Variants in PPP4R4 observed in about 807,000 individuals in gnomAD.
PPP4R4 encodes the protein serine/threonine-protein phosphatase 4 regulatory subunit 4.
PPP4R4 carries 70 observed loss-of-function variants against 121.8 expected under a neutral mutation model. That is an observed-to-expected ratio of 0.57 (90% CI 0.47 to 0.70). PPP4R4 has a LOEUF of 0.70. PPP4R4 is among the 30% of genes least tolerant of loss of function. PPP4R4 has a pLI of 0.00. For missense variants in PPP4R4, 875 were observed against 1,033.6 expected, an observed-to-expected ratio of 0.85 and a Z score of 2.10; for synonymous variants, 348 against 355.7, an observed-to-expected ratio of 0.98 and a Z score of 0.24.
At chr14:94,254,479 A>T (rs1235506614) in intron 16 of PPP4R4, among the ~76,000 whole-genome samples, 1 of 152,156 alleles carries the variant, frequency 6.6e-6, no homozygotes, top group Admixed American at 6.6e-5. Context: ...TGTGAATGAG[A>T]TTGAGACCAT....
chr14:94,256,781 C>T (rs574200625), intron 17 of PPP4R4, among the ~76,000 whole-genome samples, 177 bp downstream of exon 17: 108 of 152,208 alleles, frequency 7.1e-4, no homozygotes, highest in African/African-American at 2.5e-3. Flanking sequence ...ATGAAACTTT[C>T]GAAGGGCACC....
At position 94,250,278 on chromosome 14, in the gene PPP4R4, G is replaced by A. The variant is rs776928136; in HGVS notation, c.1717+1G>A. 3 of 1,576,020 alleles carry A rather than the reference G, an allele frequency of 1.9e-6. No homozygotes were observed. Among genetic ancestry groups the A allele is most frequent in the Non-Finnish European group, 2.6e-6 (3 of 1,146,788 alleles). Reference sequence around the variant, plus strand: ...GAGGTCATTCAAAAATTAATTGAACGTAAGTAATCATTGTCTACTATTTTG... The same window carrying A: ...GAGGTCATTCAAAAATTAATTGAACATAAGTAATCATTGTCTACTATTTTG... On this transcript the variant is annotated splice_donor_variant, in intron 15 of 24. Transcript: ENST00000304338. LOFTEE classifies it high-confidence loss of function.
intron 15 of PPP4R4, 116 bp from the exon 16 acceptor site, chr14:94,251,633 T>C: frequency 1.3e-6 from 1 of 772,278 alleles, no homozygotes; most frequent in Non-Finnish European, 2.0e-6. Context: ...GTCTTGTATT[T>C]GCTAGCCAAA....
At chr14:94,242,846 T>A (rs1321623404) in intron 11 of PPP4R4, among the ~76,000 whole-genome samples, 1 of 152,206 alleles carries the variant, frequency 6.6e-6, no homozygotes, top group African/African-American at 2.4e-5. Context: ...TTTTAGATTC[T>A]GCTATTATGA....
chr14:94,223,827 C>T (rs566379352), intron 3 of PPP4R4, among the ~76,000 whole-genome samples: 14 of 152,144 alleles, frequency 9.2e-5, no homozygotes, highest in Admixed American at 9.2e-4. Flanking sequence ...TTAACCCCAA[C>T]ATTTCTATTT....
chr14:94,251,554 T>A (rs532799229), intron 15 of PPP4R4, among the ~76,000 whole-genome samples, 195 bp from the exon 16 acceptor site: 1 of 152,114 alleles, frequency 6.6e-6, no homozygotes, highest in East Asian at 1.9e-4. Flanking sequence ...AACTGTTTTA[T>A]GGTTTTTGAG....
chr14:94,229,259 C>G (rs748811874), intron 3 of PPP4R4, among the ~76,000 whole-genome samples: 3 of 152,084 alleles, frequency 2.0e-5, no homozygotes, highest in Non-Finnish European at 4.4e-5. Context: ...AGGGTGGCAA[C>G]AGGAGAGGTG....
intron 2 of PPP4R4, among the ~76,000 whole-genome samples, chr14:94,187,555 A>G (rs2139394508): frequency 6.6e-6 from 1 of 152,290 alleles, no homozygotes; most frequent in Non-Finnish European, 1.5e-5. Flanking sequence ...ACATCTTTCA[A>G]AAATTCAGAA....
Position 94,278,092 on chromosome 14 carries a change from A to G in PPP4R4, c.2598-527A>G, listed in dbSNP as rs116223211. Among the ~76,000 whole-genome samples the G allele has an allele frequency of 7.0e-3, 1,060 of 152,306 alleles. 16 individuals are homozygous for G. Among genetic ancestry groups the G allele is most frequent in the African/African-American group, 0.025 (1,022 of 41,576 alleles). On this transcript the variant is annotated intron_variant, in intron 24 of 24. Transcript: ENST00000304338. ...AAACAGGCCATATCCAAGTGAAAATATGTTCTTTTCATTTAAAATAAGCCT... is the reference window on the plus strand; with the variant it reads ...AAACAGGCCATATCCAAGTGAAAATGTGTTCTTTTCATTTAAAATAAGCCT...
At chr14:94,275,254 T>C (rs1483273802) in intron 23 of PPP4R4, 120 bp from the exon 24 acceptor site, 2 of 1,127,456 alleles carry the variant, frequency 1.8e-6, no homozygotes, top group Admixed American at 4.0e-5. Flanking sequence ...ATGTAAATTA[T>C]ACCCTCATAA....
chr14:94,209,410 C>A (rs1890626158), intron 3 of PPP4R4, among the ~76,000 whole-genome samples: 1 of 151,710 alleles, frequency 6.6e-6, no homozygotes, highest in Admixed American at 6.6e-5. Context: ...TTATTGAGTC[C>A]TTGAGTTTTA....
At chr14:94,222,091 C>G (rs1226750520) in intron 3 of PPP4R4, among the ~76,000 whole-genome samples, 1 of 151,920 alleles carries the variant, frequency 6.6e-6, no homozygotes, top group African/African-American at 2.4e-5. Context: ...TTGTAAACAA[C>G]ATGATTGGGT....
In PPP4R4 at chr14:94,256,613, C is replaced by T; in HGVS notation, c.2010+9C>T. 6.3e-7 allele frequency: 1 copy of T among 1,583,562 alleles called. No homozygotes were observed. The highest frequency in any genetic ancestry group is 2.3e-5 in the East Asian group (1 of 44,276). The stretch of plus-strand genomic sequence containing the variant: ...TGGCTATTGTAAAAAGAGTAAGTAT[C>T]ACTCTTGCCACAATGTTGCATTTTT... On this transcript the variant is annotated intron_variant, in intron 17 of 24. Coordinates refer to ENST00000304338, the MANE Select transcript of PPP4R4 (RefSeq NM_058237.2).
intron 5 of PPP4R4, among the ~76,000 whole-genome samples, chr14:94,232,784 C>T (rs1042053185): frequency 1.3e-5 from 2 of 151,938 alleles, no homozygotes; most frequent in African/African-American, 4.8e-5. Context: ...ATGGGCTGGG[C>T]GCGGTGGCTC....
At chr14:94,258,742 A>G in intron 17 of PPP4R4, 41 bp from the exon 18 acceptor site, 1 of 1,412,140 alleles carries the variant, frequency 7.1e-7, no homozygotes, top group Non-Finnish European at 9.9e-7. Context: ...GGTTGTTTTA[A>G]TTTAATTACT....
chr14:94,271,922 C>G (rs905481467), intron 23 of PPP4R4, among the ~76,000 whole-genome samples: 1 of 152,094 alleles, frequency 6.6e-6, no homozygotes, highest in African/African-American at 2.4e-5. Context: ...ACTATCAGCA[C>G]TCAGAAAAAT....
chr14:94,268,234 G>A (rs1405545166), intron 23 of PPP4R4, among the ~76,000 whole-genome samples: 1 of 152,156 alleles, frequency 6.6e-6, no homozygotes, highest in Admixed American at 6.5e-5. Flanking sequence ...TCGAGCTAAT[G>A]GTGCAGATGA....
intron 7 of PPP4R4, among the ~76,000 whole-genome samples, chr14:94,234,876 A>T (rs1379997225): frequency 3.3e-5 from 5 of 152,192 alleles, no homozygotes; most frequent in Non-Finnish European, 7.4e-5. Context: ...ATCATTCCAG[A>T]CACCTAGATT....
intron 8 of PPP4R4, 126 bp from the exon 9 acceptor site, chr14:94,240,547 T>C: frequency 9.8e-7 from 1 of 1,021,608 alleles, no homozygotes; most frequent in South Asian, 1.8e-5. Flanking sequence ...TGCTTTCAGG[T>C]ATTTTCTATT....
Sources: gnomAD v4.1 joint callset for allele counts (sites outside exome capture counted in the v4.1 genomes callset) on GRCh38, gnomAD v4.1.1 for gene constraint, MANE v1.5 for transcripts, NCBI Gene and HGNC (gene_info 2026-07-23, HGNC 2026-07-21) for gene names.